BBS9: variants seen among roughly 807,000 people sequenced by gnomAD.
The protein encoded by BBS9 is Bardet-Biedl syndrome 9.
A neutral mutation model predicts 117.7 loss-of-function variants in BBS9; 89 were observed. The ratio of observed to expected loss-of-function variants is 0.76; its 90% CI spans 0.64 to 0.90. The LOEUF is 0.90. Among genes scored for constraint, BBS9 ranks in the 40% least tolerant of loss-of-function variants. The pLI, the probability that BBS9 is intolerant of heterozygous loss-of-function variation, is 0.00. For synonymous variants in BBS9, 379 were observed against 370.9 expected (o/e 1.02, Z -0.25); for missense variants, 982 against 1,042.2 (o/e 0.94, Z 0.80).
chr7:33,557,873 C>T (rs1855522708), intron 21 of BBS9, among the ~76,000 whole-genome samples: 1 of 152,184 alleles, frequency 6.6e-6, no homozygotes, highest in Admixed American at 6.5e-5. Flanking sequence ...CTATTAGGAT[C>T]CCAGGATCCT....
intron 9 of BBS9, among the ~76,000 whole-genome samples, chr7:33,285,146 C>G (rs1231277618): frequency 6.6e-6 from 1 of 152,094 alleles, no homozygotes; most frequent in Non-Finnish European, 1.5e-5. Flanking sequence ...TGGAAAGATT[C>G]AAGAGGGTAG....
At chr7:33,141,075 T>C (rs540899125) in intron 1 of BBS9, among the ~76,000 whole-genome samples, 2 of 152,186 alleles carry the variant, frequency 1.3e-5, no homozygotes, top group South Asian at 4.1e-4. Flanking sequence ...CAAATTTGTT[T>C]TTTTCGTAGA....
intron 9 of BBS9, among the ~76,000 whole-genome samples, chr7:33,284,382 T>A (rs755250040): frequency 6.6e-6 from 1 of 152,212 alleles, no homozygotes; most frequent in Non-Finnish European, 1.5e-5. Context: ...TCTTTATTGT[T>A]GCTGAGGAGA....
intron 5 of BBS9, among the ~76,000 whole-genome samples, chr7:33,212,862 G>C (rs574050777): frequency 6.6e-6 from 1 of 152,118 alleles, no homozygotes; most frequent in African/African-American, 2.4e-5. Context: ...TCAATTGAAC[G>C]TAGTCTCTCT....
intron 4 of BBS9, among the ~76,000 whole-genome samples, chr7:33,177,010 A>C (rs1489994003): frequency 1.3e-5 from 2 of 152,200 alleles, no homozygotes; most frequent in East Asian, 3.8e-4. Flanking sequence ...TCTCAATTAA[A>C]TTAGAATATA....
intron 21 of BBS9, among the ~76,000 whole-genome samples, chr7:33,537,467 T>A (rs1190144421): frequency 1.3e-5 from 2 of 152,226 alleles, no homozygotes; most frequent in African/African-American, 4.8e-5. Context: ...GTTGCAGAGC[T>A]ATCAAATTTA....
intron 9 of BBS9, among the ~76,000 whole-genome samples, chr7:33,286,011 T>G (rs1289843921): frequency 6.6e-6 from 1 of 152,076 alleles, no homozygotes; most frequent in Non-Finnish European, 1.5e-5. Flanking sequence ...CATTCCATAG[T>G]AAGTCTATTT....
intron 21 of BBS9, among the ~76,000 whole-genome samples, chr7:33,540,162 G>C (rs772267596): frequency 2.1e-4 from 32 of 152,316 alleles, no homozygotes; most frequent in Middle Eastern, 3.4e-3. Flanking sequence ...CTAATGTGAC[G>C]TTTCAAAGCA....
intron 21 of BBS9, among the ~76,000 whole-genome samples, chr7:33,545,658 C>A (rs774831600): frequency 6.6e-6 from 1 of 152,208 alleles, no homozygotes; most frequent in Admixed American, 6.5e-5. Flanking sequence ...CAAGCCTCCC[C>A]GTACTGCTCT....
chr7:33,624,433 T>C (rs771771096), intron 21 of BBS9, among the ~76,000 whole-genome samples: 6 of 152,174 alleles, frequency 3.9e-5, no homozygotes, highest in Non-Finnish European at 8.8e-5. Context: ...GAGCTAACAA[T>C]CCCATCTGTA....
chr7:33,136,305 A>G (rs931052547), intron 1 of BBS9, among the ~76,000 whole-genome samples: 2 of 152,206 alleles, frequency 1.3e-5, no homozygotes, highest in African/African-American at 4.8e-5. Context: ...CTGTGAGTAA[A>G]GATAGTTTTA....
At chr7:33,611,598 T>A (rs1202240830) in intron 21 of BBS9, among the ~76,000 whole-genome samples, 1 of 137,748 alleles carries the variant, frequency 7.3e-6, no homozygotes, top group East Asian at 2.0e-4. Flanking sequence ...TATAATAATA[T>A]TATTTAATTA....
rs141636644 is a variant in BBS9, at chr7:33,283,582, G to C, written c.1016+9626G>C. The stretch of plus-strand genomic sequence containing the variant: ...TGAGTTCTCCAAACAATGAAAAAAA[G>C]GGTTTCTTTTATTTCACTGATACAA... On this transcript the variant is annotated intron_variant, in intron 9 of 22. Coordinates refer to ENST00000242067, the MANE Select transcript of BBS9 (RefSeq NM_198428.3). Among the ~76,000 whole-genome samples the C allele has an allele frequency of 2.7e-3, 418 of 152,010 alleles. 1 individual carries two copies. The highest frequency in any genetic ancestry group is 9.8e-3 in the African/African-American group (407 of 41,460).
chr7:33,503,637 A>T (rs1158601594), intron 19 of BBS9, among the ~76,000 whole-genome samples: 1 of 152,232 alleles, frequency 6.6e-6, no homozygotes, highest in Non-Finnish European at 1.5e-5. Context: ...TCTGGCATTC[A>T]GTGGGTGTTT....
chr7:33,484,932 G>GTA (rs1842904600), intron 19 of BBS9, among the ~76,000 whole-genome samples: 1 of 152,130 alleles, frequency 6.6e-6, no homozygotes, highest in South Asian at 2.1e-4. Flanking sequence ...ATAAAATGTT[G>GTA]TATATATACA....
intron 9 of BBS9, among the ~76,000 whole-genome samples, chr7:33,300,349 C>T (rs2128422124): frequency 6.6e-6 from 1 of 152,276 alleles, no homozygotes; most frequent in Middle Eastern, 3.4e-3. Context: ...AGATTGGAAA[C>T]AGATGGGAAG....
intron 21 of BBS9, among the ~76,000 whole-genome samples, chr7:33,550,258 G>T (rs1211532555): frequency 6.6e-6 from 1 of 151,986 alleles, no homozygotes; most frequent in Admixed American, 6.6e-5. Flanking sequence ...GTGTAAATTT[G>T]TGAATATTAT....
chr7:33,359,468 T>G (rs769949836), intron 16 of BBS9, among the ~76,000 whole-genome samples: 1 of 152,112 alleles, frequency 6.6e-6, no homozygotes, highest in Non-Finnish European at 1.5e-5. Flanking sequence ...GATGTCATTA[T>G]GCTCATCAGC....
At chr7:33,136,068 T>G (rs1325575269) in intron 1 of BBS9, among the ~76,000 whole-genome samples, 2 of 152,138 alleles carry the variant, frequency 1.3e-5, no homozygotes, top group Non-Finnish European at 2.9e-5. Context: ...GTATTACAGG[T>G]GCGCACCAGC....
Sources: gnomAD v4.1 joint callset for allele counts (sites outside exome capture counted in the v4.1 genomes callset) on GRCh38, gnomAD v4.1.1 for gene constraint, MANE v1.5 for transcripts, NCBI Gene and HGNC (gene_info 2026-07-23, HGNC 2026-07-21) for gene names.